Variants in FBXL17 observed in about 807,000 individuals in gnomAD.
FBXL17 encodes F-box/LRR-repeat protein 17.
In FBXL17, 22 loss-of-function variants were observed where a neutral mutation model predicts 66.2. That is an observed-to-expected ratio of 0.33 (90% confidence interval 0.24 to 0.47). The LOEUF (loss-of-function observed/expected upper bound fraction) is 0.47, where lower values mean the gene tolerates loss of function less well. Ranked by LOEUF, FBXL17 falls within the 20% of genes least tolerant of loss-of-function variation. The pLI is 1.00. For synonymous variants in FBXL17, 474 were observed against 400.5 expected (o/e 1.18, Z -2.19); for missense variants, 878 against 948.2 (o/e 0.93, Z 0.97).
At chr5:107,946,291 A>ATATATG (rs1751288518) in intron 7 of FBXL17, among the ~76,000 whole-genome samples, 1 of 70,442 alleles carries the variant, frequency 1.4e-5, no homozygotes, top group African/African-American at 5.3e-5. Flanking sequence ...ATATATATAT[A>ATATATG]TATATATATA....
chr5:107,993,148 G>A (rs1005498510), intron 7 of FBXL17, among the ~76,000 whole-genome samples: 12 of 152,090 alleles, frequency 7.9e-5, no homozygotes, highest in African/African-American at 2.7e-4. Context: ...ACCCACCTTG[G>A]CCTCCCAAAG....
intron 6 of FBXL17, among the ~76,000 whole-genome samples, chr5:108,067,252 C>T (rs1409725207): frequency 2.6e-5 from 4 of 152,012 alleles, no homozygotes; most frequent in Admixed American, 1.3e-4. Context: ...ACATGTAAAA[C>T]AGACTTAATA....
intron 4 of FBXL17, among the ~76,000 whole-genome samples, chr5:108,332,329 A>G (rs564678914): frequency 2.0e-4 from 30 of 152,326 alleles, no homozygotes; most frequent in African/African-American, 7.2e-4. Flanking sequence ...GATTGTAACT[A>G]GTAAAATTCT....
chr5:108,134,147 G>A (rs1751042923), intron 6 of FBXL17, among the ~76,000 whole-genome samples: 3 of 151,940 alleles, frequency 2.0e-5, no homozygotes. Flanking sequence ...TAATGCCAAT[G>A]GCAAACAACT....
chr5:107,882,178 T>G (rs1748813702), intron 7 of FBXL17, among the ~76,000 whole-genome samples: 1 of 152,210 alleles, frequency 6.6e-6, no homozygotes. Flanking sequence ...TCTGATAATT[T>G]CCTCATTCTA....
At chr5:108,048,176 AC>A (rs1359834904) in intron 6 of FBXL17, among the ~76,000 whole-genome samples, 1 of 152,114 alleles carries the variant, frequency 6.6e-6, no homozygotes, top group Non-Finnish European at 1.5e-5. Context: ...CTTGAAGTGA[AC>A]CCCCAACAAA....
chr5:108,311,785 T>A (rs1759130967), intron 4 of FBXL17, among the ~76,000 whole-genome samples: 1 of 152,196 alleles, frequency 6.6e-6, no homozygotes. Flanking sequence ...GAAAGAGCTC[T>A]TAGTCAGAAA....
At chr5:108,312,597 A>C (rs1053225919) in intron 4 of FBXL17, among the ~76,000 whole-genome samples, 1 of 152,054 alleles carries the variant, frequency 6.6e-6, no homozygotes, top group Non-Finnish European at 1.5e-5. Flanking sequence ...GAAAAAAAAA[A>C]CCCTGCTATT....
chr5:108,015,876 T>C (rs1470738481), intron 7 of FBXL17, among the ~76,000 whole-genome samples: 1 of 152,116 alleles, frequency 6.6e-6, no homozygotes, highest in Non-Finnish European at 1.5e-5. Context: ...CGATGAATAA[T>C]GTCACCAGGC....
At chr5:108,196,628 T>C (rs954787015) in intron 5 of FBXL17, among the ~76,000 whole-genome samples, 4 of 152,168 alleles carry the variant, frequency 2.6e-5, no homozygotes, top group African/African-American at 9.7e-5. Flanking sequence ...AAATTTGAAA[T>C]CAGGATCAAA....
chr5:108,327,431 T>A (rs1380390738), intron 4 of FBXL17, among the ~76,000 whole-genome samples: 1 of 152,216 alleles, frequency 6.6e-6, no homozygotes, highest in Non-Finnish European at 1.5e-5. Flanking sequence ...GATTATATGA[T>A]GTAGTTCATA....
chr5:107,879,720 A>G (rs1204511977), intron 8 of FBXL17: 1 of 985,336 alleles, frequency 1.0e-6, no homozygotes, highest in Non-Finnish European at 1.2e-6. Context: ...GTTTCACATT[A>G]TTTTGCTAGA....
chr5:108,269,313 T>C (rs1263832595), intron 4 of FBXL17, among the ~76,000 whole-genome samples: 1 of 152,050 alleles, frequency 6.6e-6, no homozygotes, highest in Non-Finnish European at 1.5e-5. Flanking sequence ...GCTCTTAAGT[T>C]CTTTAATTAT....
chr5:108,377,041 A>G (rs937397866), intron 1 of FBXL17, among the ~76,000 whole-genome samples: 2 of 152,184 alleles, frequency 1.3e-5, no homozygotes, highest in Non-Finnish European at 2.9e-5. Context: ...TATATGTTTT[A>G]GCCTGGCTTT....
intron 7 of FBXL17, among the ~76,000 whole-genome samples, chr5:107,887,825 A>G (rs1361953767): frequency 6.6e-6 from 1 of 152,154 alleles, no homozygotes; most frequent in Non-Finnish European, 1.5e-5. Context: ...GAAGCTATAA[A>G]AGTTTCTGTG....
intron 7 of FBXL17, among the ~76,000 whole-genome samples, chr5:107,967,873 T>C: frequency 6.6e-6 from 1 of 152,148 alleles, no homozygotes; most frequent in East Asian, 1.9e-4. Flanking sequence ...TGTGGTCACC[T>C]ACTTTAAGGT....
intron 7 of FBXL17, among the ~76,000 whole-genome samples, chr5:107,953,910 AT>A (rs1685552272): frequency 6.6e-6 from 1 of 152,214 alleles, no homozygotes; most frequent in Admixed American, 6.5e-5. Flanking sequence ...CATTGATTGA[AT>A]CCACCAATTA....
At chr5:108,016,808 T>C (rs1018489730) in intron 7 of FBXL17, among the ~76,000 whole-genome samples, 3 of 151,510 alleles carry the variant, frequency 2.0e-5, no homozygotes, top group African/African-American at 7.3e-5. Flanking sequence ...AGACAGAGTT[T>C]CGCTTTTGTC....
chr5:107,957,485 T>C (rs952123839), intron 7 of FBXL17, among the ~76,000 whole-genome samples: 4 of 152,118 alleles, frequency 2.6e-5, no homozygotes, highest in Non-Finnish European at 5.9e-5. Flanking sequence ...GTTAGAAATA[T>C]ATTATTTAAA....
Sources: gnomAD v4.1 joint callset for allele counts (sites outside exome capture counted in the v4.1 genomes callset) on GRCh38, gnomAD v4.1.1 for gene constraint, MANE v1.5 for transcripts, NCBI Gene and HGNC (gene_info 2026-07-23, HGNC 2026-07-21) for gene names.